Variants in RASGRF1 observed in about 807,000 individuals in gnomAD.
The protein encoded by RASGRF1 is ras-specific guanine nucleotide-releasing factor 1.
Under a neutral mutation model 138.7 loss-of-function variants are expected in RASGRF1, and 40 were observed. That is an observed-to-expected ratio of 0.29 (90% CI 0.22 to 0.38). The LOEUF is 0.38. RASGRF1 is among the 10% of genes least tolerant of loss of function. The pLI, the probability that RASGRF1 is intolerant of heterozygous loss-of-function variation, is 1.00. For synonymous variants in RASGRF1, 614 were observed against 663.2 expected, an observed-to-expected ratio of 0.93 and a Z score of 1.14; for missense variants, 1,108 against 1,650.4, an observed-to-expected ratio of 0.67 and a Z score of 5.69.
At chr15:79,061,380 T>A (rs1266786068) in intron 2 of RASGRF1, among the ~76,000 whole-genome samples, 2 of 141,140 alleles carry the variant, frequency 1.4e-5, no homozygotes, top group African/African-American at 5.4e-5. Flanking sequence ...TAACTTCTCA[T>A]GCAGCAATAG....
chr15:79,069,002 G>A (rs2057718790), intron 1 of RASGRF1, among the ~76,000 whole-genome samples: 1 of 152,058 alleles, frequency 6.6e-6, no homozygotes, highest in African/African-American at 2.4e-5. Flanking sequence ...CTTAGGCTTG[G>A]GGGTGGGGGG....
intron 24 of RASGRF1, among the ~76,000 whole-genome samples, chr15:78,975,014 G>C (rs928903392): frequency 6.6e-6 from 1 of 152,226 alleles, no homozygotes; most frequent in Non-Finnish European, 1.5e-5. Flanking sequence ...ACAGCAGACA[G>C]AAGTGTTTTT....
intron 5 of RASGRF1, among the ~76,000 whole-genome samples, chr15:79,036,326 G>A (rs2057221876): frequency 6.6e-6 from 1 of 152,206 alleles, no homozygotes; most frequent in African/African-American, 2.4e-5. Flanking sequence ...TCAGGAGTCA[G>A]GGACAGCCCT....
chr15:79,000,768 A>G (rs1285110895), intron 16 of RASGRF1, among the ~76,000 whole-genome samples: 1 of 152,180 alleles, frequency 6.6e-6, no homozygotes, highest in Non-Finnish European at 1.5e-5. Flanking sequence ...CTTATTTCTG[A>G]AATTTGGCTC....
At chr15:78,974,050 A>C (rs1484091901) in intron 24 of RASGRF1, among the ~76,000 whole-genome samples, 1 of 152,138 alleles carries the variant, frequency 6.6e-6, no homozygotes, top group Non-Finnish European at 1.5e-5. Context: ...TTGGTGACTC[A>C]TGGGGGACTG....
intron 23 of RASGRF1, 31 bp downstream of exon 23, chr15:78,984,976 G>A: frequency 6.2e-7 from 1 of 1,602,844 alleles, no homozygotes; most frequent in Non-Finnish European, 8.5e-7. Flanking sequence ...CCAGCCCCAG[G>A]GAGGCAGTGG....
chr15:79,080,091 G>A (rs2057894554), intron 1 of RASGRF1, among the ~76,000 whole-genome samples: 1 of 152,006 alleles, frequency 6.6e-6, no homozygotes, highest in East Asian at 1.9e-4. Flanking sequence ...AGGTACTCTT[G>A]CCTGAGCAAC....
Position 79,000,316 on chromosome 15 carries a change from T to C in RASGRF1, c.2576-403A>G, listed in dbSNP as rs144681898. 3.8e-3 allele frequency among the ~76,000 whole-genome samples: 581 copies of C among 152,290 alleles called. 6 individuals are homozygous for C. Among genetic ancestry groups the C allele is most frequent in the African/African-American group, 0.014 (567 of 41,554 alleles). On this transcript the variant is annotated intron_variant, in intron 16 of 26. Transcript: ENST00000558480. ...CACATAACCTGTCCAATGTCTGACA[T>C]CCATAACAATTCATACTGATGGGCT...
chr15:79,084,998 G>GAC (rs1170618111), intron 1 of RASGRF1, among the ~76,000 whole-genome samples: 1 of 152,054 alleles, frequency 6.6e-6, no homozygotes, highest in African/African-American at 2.4e-5. Context: ...CTCTCACCTG[G>GAC]ACTCTGGGTT....
intron 10 of RASGRF1, among the ~76,000 whole-genome samples, chr15:79,023,720 A>C (rs2056999673): frequency 6.6e-6 from 1 of 152,132 alleles, no homozygotes; most frequent in African/African-American, 2.4e-5. Flanking sequence ...GCAGGGCCGC[A>C]AGGTCCTGAG....
At chr15:79,062,596 G>A (rs375807247) in intron 2 of RASGRF1, among the ~76,000 whole-genome samples, 16 of 152,030 alleles carry the variant, frequency 1.1e-4, no homozygotes, top group African/African-American at 2.9e-4. Flanking sequence ...GTGCAATGGC[G>A]CGATCTTGGC....
At chr15:78,980,594 A>G in intron 24 of RASGRF1, 26 bp downstream of exon 24, 1 of 1,556,236 alleles carries the variant, frequency 6.4e-7, no homozygotes, top group Non-Finnish European at 8.9e-7. Flanking sequence ...TTTAAAAATA[A>G]CAGCGACAAA....
At chr15:79,090,062 T>C (rs1024908645) in intron 1 of RASGRF1, among the ~76,000 whole-genome samples, 161 bp downstream of exon 1, 14 of 152,198 alleles carry the variant, frequency 9.2e-5, no homozygotes, top group African/African-American at 3.4e-4. Context: ...GTCACTCGCC[T>C]GGCTGGGAGC....
In RASGRF1 at chr15:78,993,252, T is replaced by TGTGTGTGG. The variant is rs1212062911; in HGVS notation, c.3028-1466_3028-1459dup. Among the ~76,000 whole-genome samples, 26 of 146,662 alleles carry TGTGTGTGG rather than the reference T, an allele frequency of 1.8e-4. 1 individual carries two copies. Among genetic ancestry groups the TGTGTGTGG allele is most frequent in the Non-Finnish European group, 1.5e-4 (10 of 66,342 alleles). ...GGGTGATGTGTGTGTGTGTACGTGG[T>TGTGTGTGG]GTGTGTGGTGTGGTGTGTGTGGTGT... On this transcript the variant is annotated intron_variant, in intron 20 of 26. Transcript: ENST00000558480.
chr15:78,999,617 C>T (rs2056474251), intron 17 of RASGRF1, 126 bp downstream of exon 17: 1 of 1,192,368 alleles, frequency 8.4e-7, no homozygotes, highest in Non-Finnish European at 1.2e-6. Context: ...ACAGGACCCA[C>T]CTGTGCCATC....
intron 7 of RASGRF1, 83 bp from the exon 8 acceptor site, chr15:79,031,592 G>T: frequency 2.0e-6 from 1 of 488,324 alleles, no homozygotes. Flanking sequence ...GACAGGGAGT[G>T]AGCAAGAGAG....
chr15:79,034,068 A>T (rs895173904), intron 6 of RASGRF1, among the ~76,000 whole-genome samples: 10 of 152,222 alleles, frequency 6.6e-5, no homozygotes, highest in African/African-American at 1.7e-4. Flanking sequence ...CCTTAGAGAA[A>T]AACACGGGTC....
At chr15:79,021,233 T>C (rs186106461) in intron 10 of RASGRF1, among the ~76,000 whole-genome samples, 2 of 152,312 alleles carry the variant, frequency 1.3e-5, no homozygotes, top group East Asian at 3.9e-4. Flanking sequence ...AGCTACTACA[T>C]TTGGAGGTAA....
chr15:79,089,324 G>T (rs2058021227), intron 1 of RASGRF1, among the ~76,000 whole-genome samples: 1 of 152,176 alleles, frequency 6.6e-6, no homozygotes, highest in African/African-American at 2.4e-5. Flanking sequence ...GATGCTTTTG[G>T]AAAGCGCACC....
Sources: gnomAD v4.1 joint callset for allele counts (sites outside exome capture counted in the v4.1 genomes callset) on GRCh38, gnomAD v4.1.1 for gene constraint, MANE v1.5 for transcripts, NCBI Gene and HGNC (gene_info 2026-07-23, HGNC 2026-07-21) for gene names.